TAS2R19: variants seen among roughly 807,000 people sequenced by gnomAD.
TAS2R19 encodes taste 2 receptor member 19.
For missense variants in TAS2R19, 336 were observed against 342.4 expected (o/e 0.98, Z 0.15); for synonymous variants, 108 against 123.4 (o/e 0.87, Z 0.83).
rs142089691 is a variant in TAS2R19 at position 11,022,165 on chromosome 12, G to C, written c.407C>G (p.Pro136Arg). Residue 136 changes from proline (P) to arginine (R), a missense_variant, in exon 1 of 1, where the codon CCC (proline) becomes CGC (arginine). Physicochemically the swap from Pro to Arg is moderately radical, Grantham distance 103. Coordinates refer to ENST00000390673, the MANE Select transcript of TAS2R19 (RefSeq NM_176888.2). Reference protein sequence around the residue: ...KSVVLVILLGPLVFLICNLAV... With the variant: ...KSVVLVILLGRLVFLICNLAV... ...AAGATTACAAATCAGAAATACCAAG[G>C]GCCCCAACAGTATCACCAGAACAAC... is the stretch of plus-strand genomic sequence containing the variant. The C allele has an allele frequency of 5.3e-5, 85 of 1,613,756 alleles. No homozygotes were observed. The highest frequency in any genetic ancestry group is 6.5e-5 in the Non-Finnish European group (77 of 1,179,902).
In TAS2R19 at chr12:11,022,594, A is replaced by T. The variant is rs758810676; in HGVS notation, c.-23T>A. On this transcript the variant is annotated 5_prime_UTR_variant, in exon 1 of 1. Transcript: ENST00000390673. ...CATGTTTGAACAGATAAAAAAATGC[A>T]GGCTTAGTAACACTTGTTCTGAGTC... 5 of 1,544,342 alleles carry T rather than the reference A, an allele frequency of 3.2e-6. No homozygotes were observed. The highest frequency in any genetic ancestry group is 3.5e-6 in the Non-Finnish European group (4 of 1,135,666).
Position 11,022,553 on chromosome 12 carries a change from T to A in TAS2R19, c.19A>T (p.Ile7Phe). The A allele has an allele frequency of 6.2e-7, 1 of 1,611,052 alleles. No individual in the cohort carries two copies. ...AACACTACCAGAATTGATGAAATGA[T>A]GAGCAGAAAACACATCATGTTTGAA... is the stretch of plus-strand genomic sequence containing the variant. MMCFLL[I>F]ISSILVVFAF... Residue 7 changes from isoleucine to phenylalanine, a missense_variant, in exon 1 of 1, where the codon ATC becomes TTC. Transcript: ENST00000390673.
In TAS2R19 at chr12:11,022,033, G is replaced by C; in HGVS notation, c.539C>G (p.Thr180Ser). The C allele has an allele frequency of 6.2e-7, 1 of 1,613,890 alleles. No homozygotes were observed. The highest frequency in any genetic ancestry group is 1.1e-5 in the South Asian group (1 of 91,062). Reference sequence around the variant, plus strand: ...AAAGGGTATGAGGTTTGCTAGAGTAGTTACAGTCAAGCTTGAAAGGTGTAT... The same window carrying C: ...AAAGGGTATGAGGTTTGCTAGAGTACTTACAGTCAAGCTTGAAAGGTGTAT... Reference protein sequence around the residue: ...NAIHLSSLTVTTLANLIPFTL... With the variant: ...NAIHLSSLTVSTLANLIPFTL... The change falls in exon 1 of 1, where the codon ACT becomes AGT. Residue 180 changes from threonine to serine, a missense_variant. Transcript: ENST00000390673.
Position 11,022,238 on chromosome 12 carries a change from T to G in TAS2R19, c.334A>C (p.Asn112His), listed in dbSNP as rs1357253136. ...LSIFCLLKIA[N>H]FSNLISLHLK... ...TGGAGAGAAATAAGGTTGGAGAAAT[T>G]GGCAATCTTGAGCAAACAAAATATG... The change falls in exon 1 of 1, where the codon AAT becomes CAT. Residue 112 changes from asparagine to histidine, a missense_variant. Transcript: ENST00000390673. The G allele has an allele frequency of 6.2e-7, 1 of 1,614,182 alleles. No individual in the cohort carries two copies.
At position 11,022,299 on chromosome 12, in the gene TAS2R19, C is replaced by T. The variant is rs777564748; in HGVS notation, c.273G>A (p.Thr91=). ...RIVASNAWAV[T]NHFSMWLAAS... ...CAGCAAGCCACATGCTGAAATGGTT[C>T]GTTACAGCCCAGGCATTAGAAGCAA... The change falls in exon 1 of 1, where the codon ACG becomes ACA. Residue 91 remains threonine (T), a synonymous_variant. Coordinates refer to ENST00000390673, the MANE Select transcript of TAS2R19 (RefSeq NM_176888.2). 3.8e-6 allele frequency: 6 copies of T among 1,587,942 alleles called. No individual in the cohort carries two copies. The highest frequency in any genetic ancestry group is 3.5e-5 in the Admixed American group (2 of 56,866).
rs769432840 is a variant in TAS2R19, at chr12:11,021,655, G to A, written c.*17C>T. ...CCCCTTGTGAATCTATGGAGTTGAG[G>A]GTTTCTCTTCTTTCACTCAGCGTGT... is the stretch of plus-strand genomic sequence containing the variant. On this transcript the variant is annotated 3_prime_UTR_variant, in exon 1 of 1. Coordinates refer to ENST00000390673, the MANE Select transcript of TAS2R19 (RefSeq NM_176888.2). 1 of 1,597,966 alleles carries A rather than the reference G, an allele frequency of 6.3e-7. No homozygotes were observed. Among genetic ancestry groups the A allele is most frequent in the Non-Finnish European group, 8.6e-7 (1 of 1,168,678 alleles).
chr12:11,022,266 G>A lies in TAS2R19; in HGVS notation c.306C>T (p.Leu102=), dbSNP rs1941688946. The change falls in exon 1 of 1, where the codon CTC becomes CTT. Residue 102 remains leucine, a synonymous_variant. Transcript: ENST00000390673. ...CAATCTTGAGCAAACAAAATATGCT[G>A]AGGCTAGCAGCAAGCCACATGCTGA... ...NHFSMWLAAS[L]SIFCLLKIAN... 6.2e-7 allele frequency: 1 copy of A among 1,614,202 alleles called. No individual in the cohort carries two copies. Among genetic ancestry groups the A allele is most frequent in the African/African-American group, 1.3e-5 (1 of 75,052 alleles).
rs1408995488 is a variant in TAS2R19 at position 11,021,674 on chromosome 12, A to C, written c.898T>G (p.Ter300GlyextTer10). Residue 300 changes from the stop codon to glycine (G), a stop_lost, in exon 1 of 1, where the codon TGA becomes GGA. Coordinates refer to ENST00000390673, the MANE Select transcript of TAS2R19 (RefSeq NM_176888.2). ...FLSVLWQMTR[*>G] ...GTTGAGGGTTTCTCTTCTTTCACTCAGCGTGTCATCTGCCACAAAACTGAA... is the reference window on the plus strand; with the variant it reads ...GTTGAGGGTTTCTCTTCTTTCACTCCGCGTGTCATCTGCCACAAAACTGAA... 1.0e-5 allele frequency: 16 copies of C among 1,608,012 alleles called. No homozygotes were observed. In the East Asian group the frequency reaches 3.6e-4, roughly 36 times the overall value.
In TAS2R19 at chr12:11,021,696, T is replaced by C. The variant is rs1172620602; in HGVS notation, c.876A>G (p.Ser292=). The C allele has an allele frequency of 1.9e-6, 3 of 1,611,242 alleles. No homozygotes were observed. The highest frequency in any genetic ancestry group is 2.5e-6 in the Non-Finnish European group (3 of 1,177,504). ...GSRKLKQTFL[S]VLWQMTR ...CTCAGCGTGTCATCTGCCACAAAAC[T>C]GAAAGAAAGGTCTGTTTTAGCTTCC... The change falls in exon 1 of 1, where the codon TCA becomes TCG. Residue 292 remains serine (S), a synonymous_variant. Transcript: ENST00000390673.
rs750823944 is a variant in TAS2R19 at position 11,021,956 on chromosome 12, G to C, written c.616C>G (p.Leu206Val). 2.5e-6 allele frequency: 4 copies of C among 1,613,328 alleles called. No homozygotes were observed. The South Asian group carries it at 3.3e-5, about 13-fold the overall frequency. Residue 206 changes from leucine to valine, a missense_variant, in exon 1 of 1, where the codon CTC (leucine) becomes GTC (valine). Coordinates refer to ENST00000390673, the MANE Select transcript of TAS2R19 (RefSeq NM_176888.2). ...LLLICSLCKH[L>V]KKMRLHSKGS... ...TTGCTATGGAGCCGCATCTTCTTGAGATGTTTACAAAGAGAACAGATTAAC... is the reference window on the plus strand; with the variant it reads ...TTGCTATGGAGCCGCATCTTCTTGACATGTTTACAAAGAGAACAGATTAAC...
In TAS2R19 at chr12:11,022,614, T is replaced by G. The variant is rs748817820; in HGVS notation, c.-43A>C. 13 of 1,408,718 alleles carry G rather than the reference T, an allele frequency of 9.2e-6. No homozygotes were observed. In the African/African-American group the frequency reaches 1.1e-4, roughly 12 times the overall value. The allele number at this position is 1,408,718 out of a possible 1,614,324, so 87.3% of individuals were successfully genotyped here. ...AATGCAGGCTTAGTAACACTTGTTC[T>G]GAGTCCTTTAACATCCAGATGTTAA... On this transcript the variant is annotated 5_prime_UTR_variant, in exon 1 of 1. Transcript: ENST00000390673.
Position 11,022,610 on chromosome 12 carries a change from G to A in TAS2R19, c.-39C>T, listed in dbSNP as rs1259191085. On this transcript the variant is annotated 5_prime_UTR_variant, in exon 1 of 1. Transcript: ENST00000390673. ...AAAAAATGCAGGCTTAGTAACACTT[G>A]TTCTGAGTCCTTTAACATCCAGATG... The A allele has an allele frequency of 2.1e-6, 3 of 1,431,120 alleles. No homozygotes were observed. Among genetic ancestry groups the A allele is most frequent in the Non-Finnish European group, 2.9e-6 (3 of 1,048,694 alleles). 88.7% of individuals were successfully genotyped at this position (1,431,120 alleles called of 1,614,324 possible). A position where few individuals can be genotyped will look rare whatever the true frequency, so the allele number is the denominator to read the frequency against.
rs202167741 is a variant in TAS2R19 at position 11,022,295 on chromosome 12, G to T, written c.277C>A (p.His93Asn). The change falls in exon 1 of 1, where the codon CAT (histidine) becomes AAT (asparagine). Residue 93 changes from histidine to asparagine, a missense_variant. Transcript: ENST00000390673. ...VASNAWAVTNHFSMWLAASLS... is the reference protein window; with the variant it reads ...VASNAWAVTNNFSMWLAASLS... The stretch of plus-strand genomic sequence containing the variant: ...CTAGCAGCAAGCCACATGCTGAAAT[G>T]GTTCGTTACAGCCCAGGCATTAGAA... 1.9e-6 allele frequency: 3 copies of T among 1,614,148 alleles called. No homozygotes were observed. Among genetic ancestry groups the T allele is most frequent in the Non-Finnish European group, 1.7e-6 (2 of 1,180,014 alleles).
At position 11,022,332 on chromosome 12, in the gene TAS2R19, T is replaced by A; in HGVS notation, c.240A>T (p.Val80=). The A allele has an allele frequency of 6.2e-7, 1 of 1,614,170 alleles. No homozygotes were observed. The highest frequency in any genetic ancestry group is 8.5e-7 in the Non-Finnish European group (1 of 1,179,992). The change falls in exon 1 of 1, where the codon GTA becomes GTT. Residue 80 remains valine (V), a synonymous_variant. Transcript: ENST00000390673. ...VFNSALYGLE[V]RIVASNAWAV... ...CCCAGGCATTAGAAGCAACAATTCTTACTTCTAAACCATATAAAGCAGAAT... is the reference window on the plus strand; with the variant it reads ...CCCAGGCATTAGAAGCAACAATTCTAACTTCTAAACCATATAAAGCAGAAT...
Position 11,022,028 on chromosome 12 carries a change from G to C in TAS2R19, c.544C>G (p.Leu182Val). ...IHLSSLTVTT[L>V]ANLIPFTLSL... is the part of the protein sequence containing the mutation. ...AGAGTAAAGGGTATGAGGTTTGCTA[G>C]AGTAGTTACAGTCAAGCTTGAAAGG... The change falls in exon 1 of 1, where the codon CTA becomes GTA. Residue 182 changes from leucine (L) to valine (V), a missense_variant. Coordinates refer to ENST00000390673, the MANE Select transcript of TAS2R19 (RefSeq NM_176888.2). 1.9e-6 allele frequency: 3 copies of C among 1,610,826 alleles called. No homozygotes were observed. Among genetic ancestry groups the C allele is most frequent in the South Asian group, 2.2e-5 (2 of 90,930 alleles).
chr12:11,022,405 A>G lies in TAS2R19; in HGVS notation c.167T>C (p.Ile56Thr), dbSNP rs757358784. 6.2e-6 allele frequency: 10 copies of G among 1,614,030 alleles called. No individual in the cohort carries two copies. Among genetic ancestry groups the G allele is most frequent in the Non-Finnish European group, 8.5e-6 (10 of 1,180,006 alleles). The change falls in exon 1 of 1, where the codon ATT becomes ACT. Residue 56 changes from isoleucine to threonine, a missense_variant. By Grantham distance (89) the Ile-to-Thr change is moderately conservative. Transcript: ENST00000390673. ...GAATAACATGACCCAGAGTAAACCA[A>G]TTCTGGAGACCACCAGAGCAGTGAG... Reference protein sequence around the residue: ...QILTALVVSRIGLLWVMLFLW... With the variant: ...QILTALVVSRTGLLWVMLFLW...
rs935058031 is a variant in TAS2R19, at chr12:11,022,403, C to A, written c.169G>T (p.Gly57Cys). The A allele has an allele frequency of 3.1e-6, 5 of 1,613,676 alleles. No individual in the cohort carries two copies. The highest frequency in any genetic ancestry group is 4.2e-6 in the Non-Finnish European group (5 of 1,179,810). ...ILTALVVSRI[G>C]LLWVMLFLWY... is the part of the protein sequence containing the mutation. ...AGGAATAACATGACCCAGAGTAAAC[C>A]AATTCTGGAGACCACCAGAGCAGTG... The change falls in exon 1 of 1, where the codon GGT (glycine) becomes TGT (cysteine). Residue 57 changes from glycine to cysteine, a missense_variant. By Grantham distance (159) the Gly-to-Cys change is radical. Transcript: ENST00000390673.
chr12:11,022,424 C>T lies in TAS2R19; in HGVS notation c.148G>A (p.Ala50Thr), dbSNP rs1178794298. The change falls in exon 1 of 1, where the codon GCT becomes ACT. Residue 50 changes from alanine to threonine, a missense_variant. Physicochemically the swap from Ala to Thr is moderately conservative, Grantham distance 58 (BLOSUM62 0). Transcript: ENST00000390673. ...KISSAEQILT[A>T]LVVSRIGLLW... ...AAACCAATTCTGGAGACCACCAGAGCAGTGAGAATTTGCTCAGCTGAGGAG... is the reference window on the plus strand; with the variant it reads ...AAACCAATTCTGGAGACCACCAGAGTAGTGAGAATTTGCTCAGCTGAGGAG... 6.2e-7 allele frequency: 1 copy of T among 1,613,970 alleles called. No homozygotes were observed. The highest frequency in any genetic ancestry group is 8.5e-7 in the Non-Finnish European group (1 of 1,179,940).
chr12:11,022,551 G>A lies in TAS2R19; in HGVS notation c.21C>T (p.Ile7=). 6.2e-7 allele frequency: 1 copy of A among 1,611,126 alleles called. No homozygotes were observed. The highest frequency in any genetic ancestry group is 8.5e-7 in the Non-Finnish European group (1 of 1,178,868). MMCFLL[I]ISSILVVFAF... is the part of the protein sequence containing the mutation. ...CAAACACTACCAGAATTGATGAAAT[G>A]ATGAGCAGAAAACACATCATGTTTG... The change falls in exon 1 of 1, where the codon ATC becomes ATT. Residue 7 remains isoleucine, a synonymous_variant. Coordinates refer to ENST00000390673, the MANE Select transcript of TAS2R19 (RefSeq NM_176888.2).
Sources: gnomAD v4.1 joint callset for allele counts on GRCh38, gnomAD v4.1.1 for gene constraint, MANE v1.5 for transcripts, NCBI Gene and HGNC (gene_info 2026-07-23, HGNC 2026-07-21) for gene names.